GALNTL6: variants seen among roughly 807,000 people sequenced by gnomAD.
The protein encoded by GALNTL6 is polypeptide N-acetylgalactosaminyltransferase-like 6.
GALNTL6 carries 46 observed loss-of-function variants against 73.7 expected under a neutral mutation model. The ratio of observed to expected loss-of-function variants is 0.62; its 90% CI spans 0.49 to 0.80. GALNTL6 has a LOEUF of 0.80. Among genes scored for constraint, GALNTL6 ranks in the 30% least tolerant of loss-of-function variants. GALNTL6 has a pLI of 0.00. For missense variants in GALNTL6, 604 were observed against 755.0 expected, an observed-to-expected ratio of 0.80 and a Z score of 2.34; for synonymous variants, 259 against 263.7, an observed-to-expected ratio of 0.98 and a Z score of 0.17.
intron 2 of GALNTL6, among the ~76,000 whole-genome samples, chr4:172,194,607 C>A (rs975894293): frequency 1.1e-4 from 16 of 152,172 alleles, no homozygotes; most frequent in Admixed American, 6.5e-5. Context: ...CTCAGTAGGA[C>A]CCTAGAAGCC....
intron 2 of GALNTL6, among the ~76,000 whole-genome samples, chr4:171,848,685 C>A (rs1735439975): frequency 6.6e-6 from 1 of 152,176 alleles, no homozygotes; most frequent in Non-Finnish European, 1.5e-5. Context: ...ACCTCATGAA[C>A]CAACCTCTCC....
chr4:172,300,583 C>T (rs1739875164), intron 3 of GALNTL6, among the ~76,000 whole-genome samples: 1 of 152,144 alleles, frequency 6.6e-6, no homozygotes, highest in Non-Finnish European at 1.5e-5. Flanking sequence ...CAAAATCTGT[C>T]AGCATTTGCT....
At chr4:172,247,280 G>A (rs1245728044) in intron 3 of GALNTL6, among the ~76,000 whole-genome samples, 2 of 152,074 alleles carry the variant, frequency 1.3e-5, no homozygotes, top group Admixed American at 6.6e-5. Flanking sequence ...GGACCCTAGG[G>A]GCTCCTGAAG....
intron 2 of GALNTL6, among the ~76,000 whole-genome samples, chr4:172,094,950 T>C (rs1440101653): frequency 6.6e-6 from 1 of 151,862 alleles, no homozygotes; most frequent in African/African-American, 2.4e-5. Flanking sequence ...AGTTTTTTGT[T>C]TTTTGTTTTT....
chr4:172,385,205 G>A (rs895276411), intron 5 of GALNTL6, among the ~76,000 whole-genome samples: 6 of 151,712 alleles, frequency 4.0e-5, no homozygotes, highest in African/African-American at 9.7e-5. Flanking sequence ...ACTAGCATAT[G>A]GTTTATCAAG....
At chr4:171,982,746 A>G (rs1739943879) in intron 2 of GALNTL6, among the ~76,000 whole-genome samples, 1 of 152,184 alleles carries the variant, frequency 6.6e-6, no homozygotes, top group Admixed American at 6.5e-5. Context: ...TAAAACTAAC[A>G]TACATCTTTC....
chr4:171,867,989 C>CTTT (rs35316583), intron 2 of GALNTL6, among the ~76,000 whole-genome samples: 11 of 136,728 alleles, frequency 8.0e-5, no homozygotes, highest in South Asian at 2.3e-4. Context: ...TTTTGAGGTG[C>CTTT]TTTTTTTTTT....
intron 3 of GALNTL6, among the ~76,000 whole-genome samples, chr4:172,286,444 T>G (rs560627192): frequency 3.2e-4 from 49 of 152,204 alleles, no homozygotes; most frequent in Non-Finnish European, 6.6e-4. Flanking sequence ...GATGGAGAGA[T>G]AGTGTTTGGC....
chr4:172,087,762 GAA>G (rs34601793), intron 2 of GALNTL6, among the ~76,000 whole-genome samples: 20 of 139,292 alleles, frequency 1.4e-4, no homozygotes, highest in Middle Eastern at 3.8e-3. Flanking sequence ...ACAAATAGCA[GAA>G]AAAAAAAAAA....
chr4:172,283,073 A>T (rs576247549), intron 3 of GALNTL6, among the ~76,000 whole-genome samples: 38 of 152,266 alleles, frequency 2.5e-4, no homozygotes, highest in Middle Eastern at 3.4e-3. Flanking sequence ...TAAGGAGAAA[A>T]TAGCATGGAC....
chr4:172,232,665 C>A (rs892977563), intron 3 of GALNTL6, among the ~76,000 whole-genome samples: 3 of 152,080 alleles, frequency 2.0e-5, no homozygotes, highest in Non-Finnish European at 4.4e-5. Context: ...ATTCTCACTG[C>A]TGTACATCCT....
intron 4 of GALNTL6, among the ~76,000 whole-genome samples, chr4:172,347,736 G>T (rs1053052170): frequency 3.3e-5 from 5 of 151,698 alleles, no homozygotes; most frequent in African/African-American, 7.3e-5. Context: ...TAATTTTGAT[G>T]GGTTTTCAGA....
At chr4:172,385,718 C>G (rs1743441314) in intron 5 of GALNTL6, among the ~76,000 whole-genome samples, 1 of 151,938 alleles carries the variant, frequency 6.6e-6, no homozygotes, top group South Asian at 2.1e-4. Context: ...CCAATGTCTT[C>G]CTTTTCATTG....
rs1458168996 is a variant in GALNTL6, at chr4:172,813,583, C to A, written c.783C>A (p.Ile261=). Residue 261 remains isoleucine, a synonymous_variant, in exon 7 of 13, where the codon ATC becomes ATA. Transcript: ENST00000506823. ...ACAAAACCATCGTGTGTCCCATGAT[C>A]GATGTCATTGACCACAATCACTTCG... ...LNHKTIVCPM[I]DVIDHNHFGY... 10 of 1,612,184 alleles carry A rather than the reference C, an allele frequency of 6.2e-6. No homozygotes were observed. Among genetic ancestry groups the A allele is most frequent in the African/African-American group, 1.3e-5 (1 of 74,858 alleles).
At chr4:172,958,112 G>A (rs1261914270) in intron 10 of GALNTL6, among the ~76,000 whole-genome samples, 4 of 152,294 alleles carry the variant, frequency 2.6e-5, no homozygotes, top group East Asian at 1.9e-4. Flanking sequence ...AGGAGCCAGG[G>A]AGCAGAAAGT....
At chr4:172,436,875 G>A (rs1456130929) in intron 5 of GALNTL6, among the ~76,000 whole-genome samples, 1 of 152,010 alleles carries the variant, frequency 6.6e-6, no homozygotes, top group African/African-American at 2.4e-5. Context: ...AATAAGGAGG[G>A]GGTGACTTTT....
chr4:172,680,386 A>AGGAAGGAAGGAATGAAGGGC (rs1732564097), intron 5 of GALNTL6, among the ~76,000 whole-genome samples: 1 of 152,156 alleles, frequency 6.6e-6, no homozygotes, highest in Non-Finnish European at 1.5e-5. Context: ...AATGGAAAAA[A>AGGAAGGAAGGAATGAAGGGC]GGAAGGAAGG....
Position 171,897,820 on chromosome 4 carries a change from C to T in GALNTL6, c.138+83102C>T, listed in dbSNP as rs192658927. ...GCAGGCGCCTATAATCCCAGCTACT[C>T]GGGAGGCTGAGGCAGAGAATTGCTT... On this transcript the variant is annotated intron_variant, in intron 2 of 12. Transcript: ENST00000506823. Among the ~76,000 whole-genome samples, 217 of 149,522 alleles carry T rather than the reference C, an allele frequency of 1.5e-3. 1 individual carries two copies. The highest frequency in any genetic ancestry group is 1.0e-2 in the Admixed American group (150 of 15,016).
At chr4:172,641,484 C>T (rs1739980053) in intron 5 of GALNTL6, among the ~76,000 whole-genome samples, 1 of 152,062 alleles carries the variant, frequency 6.6e-6, no homozygotes, top group Non-Finnish European at 1.5e-5. Context: ...ACCAGTCATG[C>T]TCCTGCTTTA....
Sources: allele counts gnomAD v4.1 joint callset (sites outside exome capture counted in the v4.1 genomes callset), GRCh38; gene constraint gnomAD v4.1.1; transcripts MANE v1.5; gene names NCBI Gene and HGNC (gene_info 2026-07-23, HGNC 2026-07-21).